TNIK: variants seen among roughly 807,000 people sequenced by gnomAD.
TNIK encodes the protein TRAF2 and NCK-interacting protein kinase.
Under a neutral mutation model 191.3 loss-of-function variants are expected in TNIK, and 49 were observed. That is an observed-to-expected ratio of 0.26 (90% confidence interval 0.20 to 0.32). The LOEUF (loss-of-function observed/expected upper bound fraction) is 0.32. Among genes scored for constraint, TNIK ranks in the 10% least tolerant of loss-of-function variants. TNIK has a pLI of 1.00. For missense variants in TNIK, 1,155 were observed against 1,702.3 expected (o/e 0.68, Z 5.66); for synonymous variants, 594 against 600.9 (o/e 0.99, Z 0.17).
At chr3:171,131,175 A>G (rs963143394) in intron 15 of TNIK, among the ~76,000 whole-genome samples, 4 of 151,352 alleles carry the variant, frequency 2.6e-5, no homozygotes, top group African/African-American at 9.7e-5. Context: ...CGTCTCTACT[A>G]AAAATACAAA....
At chr3:171,158,463 C>T (rs759647270) in intron 11 of TNIK, among the ~76,000 whole-genome samples, 6 of 152,188 alleles carry the variant, frequency 3.9e-5, no homozygotes, top group African/African-American at 7.2e-5. Context: ...CTGCCCTGCT[C>T]GCAGGTGAAC....
intron 3 of TNIK, among the ~76,000 whole-genome samples, chr3:171,213,617 A>T (rs1741124474): frequency 6.6e-6 from 1 of 152,184 alleles, no homozygotes; most frequent in East Asian, 1.9e-4. Context: ...GCACTATGTA[A>T]TTAAATCCAA....
At chr3:171,171,769 T>C (rs917036766) in intron 9 of TNIK, among the ~76,000 whole-genome samples, 6 of 152,156 alleles carry the variant, frequency 3.9e-5, no homozygotes, top group Non-Finnish European at 5.9e-5. Context: ...TTGAAGGAGA[T>C]GGTTTACCCC....
intron 1 of TNIK, among the ~76,000 whole-genome samples, chr3:171,386,102 G>T (rs187231292): frequency 1.3e-5 from 2 of 152,140 alleles, no homozygotes; most frequent in Admixed American, 6.5e-5. Flanking sequence ...TACATGCACT[G>T]TACCTAGGCT....
At chr3:171,086,635 A>G (rs553790324) in intron 24 of TNIK, among the ~76,000 whole-genome samples, 2 of 152,354 alleles carry the variant, frequency 1.3e-5, no homozygotes, top group South Asian at 2.1e-4. Flanking sequence ...GACAATGTCA[A>G]AAATAATAGT....
At chr3:171,112,644 T>C (rs1363916103) in intron 18 of TNIK, among the ~76,000 whole-genome samples, 1 of 152,176 alleles carries the variant, frequency 6.6e-6, no homozygotes, top group East Asian at 1.9e-4. Flanking sequence ...GCTGGGGTTT[T>C]TTTCTTTTGT....
intron 3 of TNIK, among the ~76,000 whole-genome samples, chr3:171,214,627 A>T (rs1247581345): frequency 6.6e-6 from 1 of 152,216 alleles, no homozygotes; most frequent in Non-Finnish European, 1.5e-5. Flanking sequence ...AATGAAAAAT[A>T]AAGTAGTGGT....
rs1577215121 is a variant in TNIK, at chr3:171,239,240, A to G, written c.124-11019T>C. On this transcript the variant is annotated intron_variant, in intron 2 of 32. Coordinates refer to ENST00000436636, the MANE Select transcript of TNIK (RefSeq NM_015028.4). The stretch of plus-strand genomic sequence containing the variant: ...ATATATTATTTTGTTTGATTAAAAT[A>G]TAAGTCATGTGAAGTTTTAAGCTAA... 3.3e-5 allele frequency among the ~76,000 whole-genome samples: 5 copies of G among 152,248 alleles called. No homozygotes were observed. In the South Asian group the frequency reaches 1.0e-3, roughly 31 times the overall value.
intron 2 of TNIK, among the ~76,000 whole-genome samples, chr3:171,310,734 T>C (rs895014133): frequency 6.6e-6 from 1 of 152,176 alleles, no homozygotes; most frequent in African/African-American, 2.4e-5. Flanking sequence ...TCATATTTGA[T>C]ATTTAAATAA....
intron 22 of TNIK, among the ~76,000 whole-genome samples, chr3:171,099,641 G>A (rs1341326881): frequency 6.6e-6 from 1 of 152,094 alleles, no homozygotes; most frequent in Non-Finnish European, 1.5e-5. Context: ...TGAAGATGCA[G>A]GAATACACAC....
intron 4 of TNIK, among the ~76,000 whole-genome samples, chr3:171,199,811 G>A (rs1270366442): frequency 2.6e-5 from 4 of 152,170 alleles, no homozygotes; most frequent in Non-Finnish European, 5.9e-5. Flanking sequence ...TGGATATAAT[G>A]CTGCTAGCAG....
At chr3:171,208,461 A>G (rs1387578030) in intron 4 of TNIK, among the ~76,000 whole-genome samples, 1 of 152,176 alleles carries the variant, frequency 6.6e-6, no homozygotes, top group East Asian at 1.9e-4. Flanking sequence ...AGATATCCCC[A>G]CCAAGTTACT....
intron 20 of TNIK, 187 bp downstream of exon 20, chr3:171,107,878 G>A (rs1356824031): frequency 4.0e-6 from 2 of 497,028 alleles, no homozygotes; most frequent in Non-Finnish European, 3.4e-6. Flanking sequence ...CAAAGGCAGA[G>A]GAGTCAATCC....
At chr3:171,454,439 A>T (rs751789244) in intron 1 of TNIK, among the ~76,000 whole-genome samples, 1 of 152,184 alleles carries the variant, frequency 6.6e-6, no homozygotes, top group Non-Finnish European at 1.5e-5. Context: ...TGTACTGGGT[A>T]CTCTCTCATC....
At chr3:171,231,318 T>G (rs962713391) in intron 2 of TNIK, among the ~76,000 whole-genome samples, 4 of 125,748 alleles carry the variant, frequency 3.2e-5, no homozygotes, top group East Asian at 2.1e-4. Flanking sequence ...TGTTGTTTTG[T>G]TTTTTTTTTT....
At chr3:171,169,026 G>GA (rs1263212563) in intron 9 of TNIK, among the ~76,000 whole-genome samples, 1 of 152,120 alleles carries the variant, frequency 6.6e-6, no homozygotes, top group Non-Finnish European at 1.5e-5. Context: ...CATCTAAGAA[G>GA]AAACCTTGCC....
At chr3:171,417,012 TTTAA>T (rs1231078267) in intron 1 of TNIK, among the ~76,000 whole-genome samples, 2 of 152,230 alleles carry the variant, frequency 1.3e-5, no homozygotes, top group Non-Finnish European at 2.9e-5. Flanking sequence ...ATTACTGTAC[TTTAA>T]TTTAGACCAC....
intron 2 of TNIK, among the ~76,000 whole-genome samples, chr3:171,289,967 T>G (rs1751498366): frequency 6.6e-6 from 1 of 151,870 alleles, no homozygotes; most frequent in Non-Finnish European, 1.5e-5. Flanking sequence ...AGGCTATGGT[T>G]TCCCACCTAG....
chr3:171,248,778 A>G (rs1483552754), intron 2 of TNIK, among the ~76,000 whole-genome samples: 3 of 152,222 alleles, frequency 2.0e-5, no homozygotes, highest in Non-Finnish European at 4.4e-5. Flanking sequence ...ATATTATACC[A>G]TTTTACAAGT....
Sources: gnomAD v4.1 joint callset for allele counts (sites outside exome capture counted in the v4.1 genomes callset) on GRCh38, gnomAD v4.1.1 for gene constraint, MANE v1.5 for transcripts, NCBI Gene and HGNC (gene_info 2026-07-23, HGNC 2026-07-21) for gene names.